VAV1: variants seen among roughly 807,000 people sequenced by gnomAD.
The protein encoded by VAV1 is vav guanine nucleotide exchange factor 1.
A neutral mutation model predicts 128.1 loss-of-function variants in VAV1; 33 were observed. That is an observed-to-expected ratio of 0.26 (90% CI 0.20 to 0.34). VAV1 has a LOEUF of 0.34. Ranked by LOEUF, VAV1 falls within the 10% of genes least tolerant of loss-of-function variation. VAV1 has a pLI of 1.00. For missense variants in VAV1, 715 were observed against 1,093.7 expected (o/e 0.65, Z 4.88); for synonymous variants, 394 against 409.8 (o/e 0.96, Z 0.47).
At chr19:6,833,811 ACTGGGCAGGATC>A in intron 18 of VAV1, 78 bp downstream of exon 18, 1 of 1,612,614 alleles carries the variant, frequency 6.2e-7, no homozygotes, top group Non-Finnish European at 8.5e-7. Flanking sequence ...ACATCCTGGA[ACTGGGCAGGATC>A]CTTTGTGGGG....
intron 1 of VAV1, among the ~76,000 whole-genome samples, chr19:6,807,594 G>A (rs992191252): frequency 2.6e-5 from 4 of 152,062 alleles, no homozygotes; most frequent in African/African-American, 9.7e-5. Context: ...GGCTTGTACT[G>A]GGAGCTACTC....
Position 6,833,551 on chromosome 19 carries a change from G to T in VAV1, c.1634G>T (p.Arg545Leu), listed in dbSNP as rs1172825998. ...LLRGTFYQGY[R>L]CHRCRASAHK... ...AGAGGTACCTTCTATCAGGGCTACC[G>T]CTGCCATCGGTGCCGGGCATCTGCA... The change falls in exon 17 of 27, where the codon CGC (arginine) becomes CTC (leucine). Residue 545 changes from arginine to leucine, a missense_variant. By Grantham distance (102) the Arg-to-Leu change is moderately radical (BLOSUM62 -2). Around this residue, in one of 3 missense-constraint regions of VAV1, gnomAD observed 407 missense variants for 580.6 expected, o/e 0.70. Coordinates refer to ENST00000602142, the MANE Select transcript of VAV1 (RefSeq NM_005428.4). The T allele has an allele frequency of 6.2e-7, 1 of 1,610,482 alleles. No homozygotes were observed. The highest frequency in any genetic ancestry group is 8.5e-7 in the Non-Finnish European group (1 of 1,177,736).
intron 26 of VAV1, among the ~76,000 whole-genome samples, chr19:6,856,812 A>G (rs184057930): frequency 2.8e-4 from 42 of 151,742 alleles, no homozygotes; most frequent in Admixed American, 5.9e-4. Context: ...AATTTTGAAT[A>G]GTATGGCTAG....
chr19:6,843,279 C>A, intron 22 of VAV1, 113 bp downstream of exon 22: 1 of 1,235,154 alleles, frequency 8.1e-7, no homozygotes, highest in Non-Finnish European at 1.2e-6. Context: ...GATCCCTGAG[C>A]ACCGACTTCT....
At chr19:6,829,958 G>T in intron 14 of VAV1, 40 bp downstream of exon 14, 1 of 1,613,138 alleles carries the variant, frequency 6.2e-7, no homozygotes, top group Non-Finnish European at 8.5e-7. Context: ...CCTCCACGCA[G>T]TCGGCAGCTT....
chr19:6,825,556 T>G, intron 8 of VAV1, 150 bp downstream of exon 8: 1 of 644,744 alleles, frequency 1.6e-6, no homozygotes, highest in Non-Finnish European at 2.7e-6. Flanking sequence ...TCTGGTTCAA[T>G]TCCCAGCTCT....
At chr19:6,831,787 CTTTGT>C (rs1972060909) in intron 14 of VAV1, among the ~76,000 whole-genome samples, 1 of 152,024 alleles carries the variant, frequency 6.6e-6, no homozygotes, top group Non-Finnish European at 1.5e-5. Flanking sequence ...TGCACCAATG[CTTTGT>C]TGAACAGAAA....
intron 6 of VAV1, among the ~76,000 whole-genome samples, chr19:6,824,621 A>G (rs930101436): frequency 6.6e-6 from 1 of 151,790 alleles, no homozygotes; most frequent in Non-Finnish European, 1.5e-5. Flanking sequence ...AACCTCTGCC[A>G]TCCAGGTTCA....
intron 25 of VAV1, 29 bp from the exon 26 acceptor site, chr19:6,853,918 C>A: frequency 6.2e-7 from 1 of 1,601,338 alleles, no homozygotes; most frequent in Admixed American, 1.7e-5. Flanking sequence ...GCCCCAGACC[C>A]TTTTCTCACT....
At chr19:6,845,585 T>C (rs1972501174) in intron 22 of VAV1, among the ~76,000 whole-genome samples, 1 of 151,250 alleles carries the variant, frequency 6.6e-6, no homozygotes, top group Non-Finnish European at 1.5e-5. Flanking sequence ...ATTTATATTG[T>C]GTATTTATGT....
intron 24 of VAV1, 74 bp from the exon 25 acceptor site, chr19:6,852,891 A>T: frequency 8.0e-7 from 1 of 1,243,696 alleles, no homozygotes; most frequent in Non-Finnish European, 1.2e-6. Flanking sequence ...GGAGTTGCAT[A>T]TGGCTGTTCC....
In VAV1 at chr19:6,814,560, A is replaced by G. The variant is rs189832986; in HGVS notation, c.205-6142A>G. On this transcript the variant is annotated intron_variant, in intron 1 of 26. Transcript: ENST00000602142. ...TTATTAATTTCAGCTATTTATCTAT[A>G]TATTCTTTGGGAATTTCTATGTTGA... Among the ~76,000 whole-genome samples, 30 of 152,002 alleles carry G rather than the reference A, an allele frequency of 2.0e-4. No homozygotes were observed. In the East Asian group the frequency reaches 4.6e-3, roughly 23 times the overall value.
intron 21 of VAV1, among the ~76,000 whole-genome samples, chr19:6,839,423 C>T (rs1972315554): frequency 6.6e-6 from 1 of 151,948 alleles, no homozygotes; most frequent in Non-Finnish European, 1.5e-5. Context: ...TGCACCACCA[C>T]ACCTGGCTAA....
intron 1 of VAV1, among the ~76,000 whole-genome samples, chr19:6,808,157 C>CA (rs1337632402): frequency 2.6e-5 from 4 of 151,802 alleles, no homozygotes; most frequent in African/African-American, 9.7e-5. Flanking sequence ...ACTAAAAATA[C>CA]AAAAATTAGC....
At chr19:6,836,634 C>A in intron 20 of VAV1, 66 bp downstream of exon 20, 1 of 1,586,510 alleles carries the variant, frequency 6.3e-7, no homozygotes, top group South Asian at 1.1e-5. Flanking sequence ...TTCATGTGGT[C>A]TCAGGGAGTT....
chr19:6,821,199 A>T (rs2144768385), intron 2 of VAV1, among the ~76,000 whole-genome samples: 1 of 152,222 alleles, frequency 6.6e-6, no homozygotes, highest in Non-Finnish European at 1.5e-5. Flanking sequence ...CAGGAGATCG[A>T]TTCCACCCTG....
At chr19:6,796,264 G>C (rs1364543245) in intron 1 of VAV1, among the ~76,000 whole-genome samples, 3 of 152,276 alleles carry the variant, frequency 2.0e-5, no homozygotes, top group African/African-American at 7.2e-5. Context: ...AGAGAGAGGT[G>C]GGAGAAATAC....
At position 6,825,173 on chromosome 19, in the gene VAV1, G is replaced by C. The variant is rs760769286; in HGVS notation, c.723+52G>C. On this transcript the variant is annotated intron_variant, in intron 7 of 26. Coordinates refer to ENST00000602142, the MANE Select transcript of VAV1 (RefSeq NM_005428.4). The stretch of plus-strand genomic sequence containing the variant: ...TGGGTCTGTCTAGTGCGGATAACCT[G>C]CTGCCCCTACCTCTCCCTGGAGTAC... 41 of 1,591,206 alleles carry C rather than the reference G, an allele frequency of 2.6e-5. No homozygotes were observed. In the Admixed American group the frequency reaches 7.0e-4, roughly 27 times the overall value.
At position 6,777,665 on chromosome 19, in the gene VAV1, G is replaced by C. The variant is rs375191897; in HGVS notation, c.204+4654G>C. Among the ~76,000 whole-genome samples, 118 of 152,278 alleles carry C rather than the reference G, an allele frequency of 7.7e-4. No homozygotes were observed. Among genetic ancestry groups the C allele is most frequent in the African/African-American group, 2.8e-3 (116 of 41,566 alleles). ...TATGTTCAGGGCAGTGACTGGCCCA[G>C]CTGGTGGGAATGGTGCAGGAGGTCA... On this transcript the variant is annotated intron_variant, in intron 1 of 26. Transcript: ENST00000602142. This position sits in a 1 kb window ranked among gnomAD's most constrained non-coding sequence, Gnocchi z 4.4.
Sources: allele counts gnomAD v4.1 joint callset (sites outside exome capture counted in the v4.1 genomes callset), GRCh38; gene constraint gnomAD v4.1.1; regional missense constraint gnomAD v4.1.1; non-coding constraint Gnocchi (gnomAD v3.1); transcripts MANE v1.5; gene names NCBI Gene and HGNC (gene_info 2026-07-23, HGNC 2026-07-21).